The following RAB2A variants were observed in gnomAD, a reference collection of about 807,000 sequenced individuals.
RAB2A encodes the protein ras-related protein Rab-2A.
A neutral mutation model predicts 32.5 loss-of-function variants in RAB2A; 7 were observed. That is an observed-to-expected ratio of 0.22 (90% CI 0.12 to 0.40). RAB2A has a LOEUF of 0.40. Among genes scored for constraint, RAB2A ranks in the 10% least tolerant of loss-of-function variants. The pLI is 1.00. For synonymous variants in RAB2A, 79 were observed against 85.2 expected, an observed-to-expected ratio of 0.93 and a Z score of 0.40; for missense variants, 108 against 260.7, an observed-to-expected ratio of 0.41 and a Z score of 4.03.
rs989292199 is a variant in RAB2A at position 60,525,001 on chromosome 8, C to T, written c.46+7748C>T. Among the ~76,000 whole-genome samples the T allele has an allele frequency of 3.9e-5, 6 of 152,118 alleles. No individual in the cohort carries two copies. In the South Asian group the frequency reaches 1.0e-3, roughly 26 times the overall value. ...TCCACACTTTTTATAGTTCCTACAC[C>T]ATATCAAAAGCTTATTATCTGTTAA... is the stretch of plus-strand genomic sequence containing the variant. On this transcript the variant is annotated intron_variant, in intron 1 of 7. Transcript: ENST00000262646.
Position 60,553,025 on chromosome 8 carries a change from CTG to C in RAB2A, c.47-5824_47-5823del, listed in dbSNP as rs200032810. ...TTTGAGGGCCTTCCTGTTCTACACA[CTG>C]TGCTTTTTGAGAGGTGATGGTTGTT... On this transcript the variant is annotated intron_variant, in intron 1 of 7. Coordinates refer to ENST00000262646, the MANE Select transcript of RAB2A (RefSeq NM_002865.3). The C allele has an allele frequency of 2.6e-5, 4 of 152,078 alleles. No individual in the cohort carries two copies. The East Asian group carries it at 5.8e-4, about 22-fold the overall frequency. 9.4% of individuals were successfully genotyped at this position (152,078 alleles called of 1,614,324 possible).
At position 60,579,034 on chromosome 8, in the gene RAB2A, GTTTTGTTTTGT is replaced by G. The variant is rs561133213; in HGVS notation, c.187-5157_187-5147del. On this transcript the variant is annotated intron_variant, in intron 3 of 7. Transcript: ENST00000262646. ...AGTATTTTGTGAATGTTTTTTTGTT[GTTTTGTTTTGT>G]TTTTGTTTTGTTTTTGAGACAGAGT... Among the ~76,000 whole-genome samples the G allele has an allele frequency of 3.6e-3, 552 of 151,988 alleles. 2 individuals are homozygous for G. Among genetic ancestry groups the G allele is most frequent in the African/African-American group, 0.012 (504 of 41,450 alleles).
At chr8:60,532,455 C>CT (rs1554551379) in intron 1 of RAB2A, among the ~76,000 whole-genome samples, 1 of 152,140 alleles carries the variant, frequency 6.6e-6, no homozygotes, top group African/African-American at 2.4e-5. Context: ...ATTTGTTATA[C>CT]TTGCTCAGGA....
chr8:60,588,391 C>G (rs1037084862), intron 5 of RAB2A, among the ~76,000 whole-genome samples: 3 of 152,186 alleles, frequency 2.0e-5, no homozygotes, highest in Non-Finnish European at 2.9e-5. Flanking sequence ...TACAAATATT[C>G]ATACCAGCTT....
intron 2 of RAB2A, among the ~76,000 whole-genome samples, chr8:60,564,269 T>C (rs956330826): frequency 2.0e-5 from 3 of 152,226 alleles, no homozygotes; most frequent in Non-Finnish European, 4.4e-5. Context: ...CCTACCTGCA[T>C]TGTGCCCTAT....
intron 1 of RAB2A, among the ~76,000 whole-genome samples, chr8:60,533,522 T>C (rs1166993659): frequency 6.6e-6 from 1 of 152,188 alleles, no homozygotes; most frequent in Non-Finnish European, 1.5e-5. Context: ...AGACATACAG[T>C]TGGACTCTTC....
At chr8:60,610,920 T>G (rs535643455) in intron 6 of RAB2A, among the ~76,000 whole-genome samples, 3 of 152,350 alleles carry the variant, frequency 2.0e-5, no homozygotes, top group African/African-American at 7.2e-5. Context: ...GAATTCCACG[T>G]GTCTAAAAGA....
At chr8:60,610,652 C>T (rs528443801) in intron 6 of RAB2A, among the ~76,000 whole-genome samples, 1 of 152,344 alleles carries the variant, frequency 6.6e-6, no homozygotes, top group South Asian at 2.1e-4. Context: ...ACTTGGCTGA[C>T]TAGCATCAGC....
intron 3 of RAB2A, 56 bp downstream of exon 3, chr8:60,572,169 C>A: frequency 7.6e-7 from 1 of 1,308,384 alleles, no homozygotes; most frequent in Non-Finnish European, 1.1e-6. Context: ...TATGAAAGTA[C>A]ATCGTATATT....
chr8:60,594,379 A>G (rs749180956), intron 6 of RAB2A, among the ~76,000 whole-genome samples: 1 of 152,192 alleles, frequency 6.6e-6, no homozygotes, highest in Non-Finnish European at 1.5e-5. Context: ...TGAAAGCAGC[A>G]AAAAATAGCA....
intron 1 of RAB2A, 179 bp from the exon 2 acceptor site, chr8:60,558,673 A>T: frequency 1.5e-6 from 1 of 645,522 alleles, no homozygotes; most frequent in Non-Finnish European, 2.8e-6. Flanking sequence ...AGATTGGTTT[A>T]CAGCTTCCAC....
intron 7 of RAB2A, among the ~76,000 whole-genome samples, chr8:60,620,148 A>G (rs992474053): frequency 6.6e-6 from 1 of 152,240 alleles, no homozygotes; most frequent in African/African-American, 2.4e-5. Context: ...GGGTTAAGAC[A>G]TAAGTGTGAG....
At position 60,517,001 on chromosome 8, in the gene RAB2A, CTCGG is replaced by C. The variant is rs1807214017; in HGVS notation, c.-202_-199del. 2.1e-6 allele frequency: 1 copy of C among 469,370 alleles called. No homozygotes were observed. The highest frequency in any genetic ancestry group is 4.4e-5 in the Admixed American group (1 of 22,476). 29.1% of individuals were successfully genotyped at this position (469,370 alleles called of 1,614,324 possible). On this transcript the variant is annotated 5_prime_UTR_variant, in exon 1 of 8. Coordinates refer to ENST00000262646, the MANE Select transcript of RAB2A (RefSeq NM_002865.3). Reference sequence around the variant, plus strand: ...CGGCGGCTGTTATTGTTCGGCTGGGCTCGGTCGGGCGCTGTCTCCCTCGGCTCTG... The same window carrying C: ...CGGCGGCTGTTATTGTTCGGCTGGGCTCGGGCGCTGTCTCCCTCGGCTCTG...
In RAB2A at chr8:60,621,019, G is replaced by T. The variant is rs1804517440; in HGVS notation, c.*250G>T. ...ATTGATGTGATTATTTTTGTTAAAT[G>T]TTGTCTTGTGCCCTTAACTACGAAC... On this transcript the variant is annotated 3_prime_UTR_variant, in exon 8 of 8. Coordinates refer to ENST00000262646, the MANE Select transcript of RAB2A (RefSeq NM_002865.3). 2.4e-6 allele frequency: 1 copy of T among 412,922 alleles called. No homozygotes were observed. The highest frequency in any genetic ancestry group is 4.5e-5 in the East Asian group (1 of 22,218). 25.6% of individuals were successfully genotyped at this position (412,922 alleles called of 1,614,324 possible).
intron 2 of RAB2A, chr8:60,559,229 G>A: frequency 7.9e-6 from 2 of 251,592 alleles, no homozygotes; most frequent in South Asian, 1.1e-4. Flanking sequence ...CTTTGACTCA[G>A]CTTGCTGGAA....
intron 1 of RAB2A, among the ~76,000 whole-genome samples, chr8:60,544,121 T>TC (rs1807689897): frequency 6.6e-6 from 1 of 151,622 alleles, no homozygotes; most frequent in Non-Finnish European, 1.5e-5. Flanking sequence ...TTTTTTTTTT[T>TC]CTCACTGTTG....
At chr8:60,527,605 A>G (rs998059945) in intron 1 of RAB2A, among the ~76,000 whole-genome samples, 2 of 152,200 alleles carry the variant, frequency 1.3e-5, no homozygotes, top group Non-Finnish European at 2.9e-5. Flanking sequence ...GAGCCAAACC[A>G]TATCAGGACA....
At chr8:60,576,303 T>C (rs1279499430) in intron 3 of RAB2A, 1 of 456,186 alleles carries the variant, frequency 2.2e-6, no homozygotes, top group Non-Finnish European at 4.4e-6. Context: ...CAGAGGTATG[T>C]TCTCACTGTT....
At position 60,621,712 on chromosome 8, in the gene RAB2A, G is replaced by A. The variant is rs547515559; in HGVS notation, c.*943G>A. The A allele has an allele frequency of 1.3e-5, 2 of 152,190 alleles. No homozygotes were observed. Among genetic ancestry groups the A allele is most frequent in the Non-Finnish European group, 2.9e-5 (2 of 67,996 alleles). 9.4% of individuals were successfully genotyped at this position (152,190 alleles called of 1,614,324 possible). On this transcript the variant is annotated 3_prime_UTR_variant, in exon 8 of 8. Coordinates refer to ENST00000262646, the MANE Select transcript of RAB2A (RefSeq NM_002865.3). Reference sequence around the variant, plus strand: ...GTTTTCTTTTTTCTTTTATTCACATGATTTCTAAGTATATTTTTCATGCAG... The same window carrying A: ...GTTTTCTTTTTTCTTTTATTCACATAATTTCTAAGTATATTTTTCATGCAG...
Sources: gnomAD v4.1 joint callset for allele counts (sites outside exome capture counted in the v4.1 genomes callset) on GRCh38, gnomAD v4.1.1 for gene constraint, MANE v1.5 for transcripts, NCBI Gene and HGNC (gene_info 2026-07-23, HGNC 2026-07-21) for gene names.